Variants in TENM4 observed in about 807,000 individuals in gnomAD.
The protein encoded by TENM4 is teneurin-4.
In TENM4, 82 loss-of-function variants were observed where a neutral mutation model predicts 243.3. The observed-to-expected ratio is 0.34, with a 90% confidence interval of 0.28 to 0.40. The LOEUF is 0.40. Ranked by LOEUF, TENM4 falls within the 10% of genes least tolerant of loss-of-function variation. The pLI is 1.00. For missense variants in TENM4, 3,138 were observed against 3,673.3 expected (o/e 0.85, Z 3.77); for synonymous variants, 1,412 against 1,456.3 (o/e 0.97, Z 0.69).
intron 7 of TENM4, among the ~76,000 whole-genome samples, chr11:78,893,956 C>T (rs1855731087): frequency 6.6e-6 from 1 of 152,124 alleles, no homozygotes; most frequent in African/African-American, 2.4e-5. Context: ...TTTTAAGTTC[C>T]ACAAGGCAGA....
At chr11:79,296,959 G>A (rs979070322) in intron 2 of TENM4, among the ~76,000 whole-genome samples, 4 of 152,202 alleles carry the variant, frequency 2.6e-5, no homozygotes, top group South Asian at 2.1e-4. Flanking sequence ...GCCCAGCGCC[G>A]AGACTGGGAC....
At chr11:79,198,035 G>T (rs1863666014) in intron 3 of TENM4, among the ~76,000 whole-genome samples, 1 of 152,124 alleles carries the variant, frequency 6.6e-6, no homozygotes, top group East Asian at 1.9e-4. Context: ...TTGTATGATG[G>T]CAACACCATC....
intron 3 of TENM4, among the ~76,000 whole-genome samples, chr11:79,162,544 C>T (rs1362348372): frequency 1.3e-5 from 2 of 151,848 alleles, no homozygotes; most frequent in Non-Finnish European, 2.9e-5. Context: ...TGATTTTAGG[C>T]CAGGAAGATA....
chr11:78,889,402 C>G (rs528515953), intron 9 of TENM4, among the ~76,000 whole-genome samples: 1 of 152,328 alleles, frequency 6.6e-6, no homozygotes, highest in Admixed American at 6.5e-5. Flanking sequence ...ACAGGAGAGG[C>G]TACCTGCTGT....
Position 79,079,128 on chromosome 11 carries a change from G to A in TENM4, c.-65-9119C>T, listed in dbSNP as rs75570143. Among the ~76,000 whole-genome samples, 23 of 152,340 alleles carry A rather than the reference G, an allele frequency of 1.5e-4. No individual in the cohort carries two copies. In the East Asian group the frequency reaches 4.4e-3, roughly 29 times the overall value. On this transcript the variant is annotated intron_variant, in intron 4 of 33. Transcript: ENST00000278550. ...AGAGAACTGTCGGGACAGAGACAGGGCTTTCCTGGGAGCGTGGTGGAGTGT... is the reference window on the plus strand; with the variant it reads ...AGAGAACTGTCGGGACAGAGACAGGACTTTCCTGGGAGCGTGGTGGAGTGT...
intron 2 of TENM4, among the ~76,000 whole-genome samples, chr11:79,247,504 C>T (rs574068190): frequency 1.6e-4 from 24 of 151,962 alleles, no homozygotes; most frequent in African/African-American, 4.8e-4. Flanking sequence ...CTTCCCTTTT[C>T]GACTGCAGAA....
chr11:79,315,280 G>C (rs1408443666), intron 1 of TENM4, among the ~76,000 whole-genome samples: 3 of 152,208 alleles, frequency 2.0e-5, no homozygotes, highest in Non-Finnish European at 4.4e-5. Context: ...CCTGGATCCT[G>C]TACCTGTCCC....
chr11:79,226,645 C>T (rs2135250736), intron 2 of TENM4, among the ~76,000 whole-genome samples: 1 of 152,254 alleles, frequency 6.6e-6, no homozygotes, highest in South Asian at 2.1e-4. Flanking sequence ...AAGGCAAGAT[C>T]CTAGCTCTTC....
intron 3 of TENM4, among the ~76,000 whole-genome samples, chr11:79,212,541 A>T (rs1235434962): frequency 6.6e-6 from 1 of 152,188 alleles, no homozygotes; most frequent in Non-Finnish European, 1.5e-5. Context: ...GGGGGTGGGA[A>T]GGCATGACTG....
chr11:79,378,844 A>C (rs11237814), intron 1 of TENM4, among the ~76,000 whole-genome samples: 16,692 of 150,382 alleles, frequency 0.11, 1,038 homozygotes, highest in African/African-American at 0.16. Context: ...GATTGCACCA[A>C]TGCACTCCAG....
chr11:78,856,258 C>T, intron 10 of TENM4, 80 bp from the exon 11 acceptor site: 1 of 1,224,824 alleles, frequency 8.2e-7, no homozygotes, highest in Non-Finnish European at 1.2e-6. Flanking sequence ...ATCTGAACAC[C>T]CGGGACTCTC....
chr11:78,697,301 G>A (rs1046430199), intron 28 of TENM4, among the ~76,000 whole-genome samples: 1 of 152,140 alleles, frequency 6.6e-6, no homozygotes, highest in Non-Finnish European at 1.5e-5. Flanking sequence ...AGCAAGATGT[G>A]GTGCAGGGCC....
intron 3 of TENM4, among the ~76,000 whole-genome samples, chr11:79,156,583 T>C (rs758564559): frequency 2.6e-5 from 4 of 152,130 alleles, no homozygotes; most frequent in Non-Finnish European, 2.9e-5. Context: ...GGTTACCTCC[T>C]CCTGAAAGCC....
chr11:78,707,712 G>A (rs940538550), intron 27 of TENM4, among the ~76,000 whole-genome samples: 1 of 152,228 alleles, frequency 6.6e-6, no homozygotes, highest in Non-Finnish European at 1.5e-5. Flanking sequence ...TGTGAAAGCA[G>A]GCACTCTAAC....
intron 9 of TENM4, among the ~76,000 whole-genome samples, chr11:78,880,488 A>AAAAAAAAAAAAAG (rs1368857006): frequency 9.5e-4 from 107 of 112,930 alleles, no homozygotes; most frequent in African/African-American, 2.7e-3. Flanking sequence ...AAAAAAAAAA[A>AAAAAAAAAAAAAG]AGAAAGAAAA....
chr11:79,291,528 G>A lies in TENM4; in HGVS notation c.-265+5960C>T, dbSNP rs149600920. On this transcript the variant is annotated intron_variant, in intron 2 of 33. Coordinates refer to ENST00000278550, the MANE Select transcript of TENM4 (RefSeq NM_001098816.3). ...ACAGGGAGAAGAGGATCTGCAGGGTGGGGGCCTAGAAGTCAGCAGAAAATC... is the reference window on the plus strand; with the variant it reads ...ACAGGGAGAAGAGGATCTGCAGGGTAGGGGCCTAGAAGTCAGCAGAAAATC... Among the ~76,000 whole-genome samples, 578 of 152,192 alleles carry A rather than the reference G, an allele frequency of 3.8e-3. 2 individuals are homozygous for A. Among genetic ancestry groups the A allele is most frequent in the African/African-American group, 0.013 (555 of 41,520 alleles).
chr11:78,891,849 T>C (rs1167795857), intron 7 of TENM4, among the ~76,000 whole-genome samples: 2 of 152,200 alleles, frequency 1.3e-5, no homozygotes, highest in Non-Finnish European at 2.9e-5. Context: ...GAGACACTCA[T>C]TTGGCTAGTC....
At chr11:78,974,872 A>C (rs778576853) in intron 6 of TENM4, among the ~76,000 whole-genome samples, 2 of 150,710 alleles carry the variant, frequency 1.3e-5, no homozygotes, top group African/African-American at 4.9e-5. Context: ...TTTAGTAGAG[A>C]CTGGGTTTTG....
rs61042277 is a variant in TENM4 at position 79,405,479 on chromosome 11, TAAAAAAA to T, written c.-321+35023_-321+35029del. ...GAATTGTAGAAGAAGGCTTAGAATG[TAAAAAAA>T]AAAAAAAAAGACATTTTTTGAAAGA... is the stretch of plus-strand genomic sequence containing the variant. On this transcript the variant is annotated intron_variant, in intron 1 of 33. Coordinates refer to ENST00000278550, the MANE Select transcript of TENM4 (RefSeq NM_001098816.3). 2.6e-4 allele frequency among the ~76,000 whole-genome samples: 35 copies of T among 132,718 alleles called. 1 individual carries two copies. In the South Asian group the frequency reaches 8.4e-3, roughly 32 times the overall value. 87.1% of individuals were successfully genotyped at this position (132,718 alleles called of 152,430 possible).
Sources: gnomAD v4.1 joint callset for allele counts (sites outside exome capture counted in the v4.1 genomes callset) on GRCh38, gnomAD v4.1.1 for gene constraint, MANE v1.5 for transcripts, NCBI Gene and HGNC (gene_info 2026-07-23, HGNC 2026-07-21) for gene names.